Variants in SULF1 observed in about 807,000 individuals in gnomAD.
The protein encoded by SULF1 is extracellular sulfatase Sulf-1.
SULF1 carries 46 observed loss-of-function variants against 110.5 expected under a neutral mutation model. That is an observed-to-expected ratio of 0.42 (90% CI 0.33 to 0.53). The LOEUF (loss-of-function observed/expected upper bound fraction) is 0.53. SULF1 is among the 20% of genes least tolerant of loss of function. SULF1 has a pLI of 0.12. For missense variants in SULF1, 941 were observed against 1,094.2 expected (o/e 0.86, Z 1.98); for synonymous variants, 371 against 387.1 (o/e 0.96, Z 0.49).
At position 69,659,232 on chromosome 8, in the gene SULF1, G is replaced by A. The variant is rs371075932; in HGVS notation, c.*697G>A. On this transcript the variant is annotated 3_prime_UTR_variant, in exon 23 of 23. Transcript: ENST00000402687. Reference sequence around the variant, plus strand: ...ACCGAAGTAATTCCAGCATAGCGGGGAAGATGTTGACCAAGGTGGAGAAGA... The same window carrying A: ...ACCGAAGTAATTCCAGCATAGCGGGAAAGATGTTGACCAAGGTGGAGAAGA... The A allele has an allele frequency of 2.6e-5, 12 of 456,246 alleles. No homozygotes were observed. The allele number at this position is 456,246 out of a possible 1,614,324, so 28.3% of individuals were successfully genotyped here.
chr8:69,641,064 T>C (rs1811436426), intron 22 of SULF1: 1 of 422,370 alleles, frequency 2.4e-6, no homozygotes, highest in African/African-American at 2.0e-5. Context: ...GAGCATTTAC[T>C]CACTCCCATG....
At chr8:69,572,799 T>C (rs189555824) in intron 5 of SULF1, among the ~76,000 whole-genome samples, 2 of 152,294 alleles carry the variant, frequency 1.3e-5, no homozygotes, top group East Asian at 3.9e-4. Context: ...AGAATCTCTT[T>C]ACTGAGAACC....
At chr8:69,473,456 T>C (rs867396182) in intron 1 of SULF1, 3 of 152,220 alleles carry the variant, frequency 2.0e-5, no homozygotes, top group Non-Finnish European at 4.4e-5. Flanking sequence ...ACTAATCAAA[T>C]TCTAAAATAA....
intron 3 of SULF1, among the ~76,000 whole-genome samples, chr8:69,515,260 T>C (rs1811850736): frequency 6.6e-6 from 1 of 152,066 alleles, no homozygotes; most frequent in South Asian, 2.1e-4. Context: ...CTCCCATACC[T>C]CAACCCTTGT....
intron 2 of SULF1, among the ~76,000 whole-genome samples, chr8:69,497,314 C>A (rs945862805): frequency 5.3e-5 from 8 of 151,898 alleles, no homozygotes; most frequent in Non-Finnish European, 8.8e-5. Flanking sequence ...CCTGCCACCA[C>A]GCCTGGCTAA....
chr8:69,651,403 T>C (rs987193676), intron 22 of SULF1, among the ~76,000 whole-genome samples: 2 of 152,122 alleles, frequency 1.3e-5, no homozygotes, highest in Admixed American at 6.6e-5. Flanking sequence ...TCTAATTGAG[T>C]GACCTAATGC....
In SULF1 at chr8:69,631,195, G is replaced by A. The variant is rs536728061; in HGVS notation, c.2284+1516G>A. Among the ~76,000 whole-genome samples the A allele has an allele frequency of 5.9e-5, 9 of 152,346 alleles. No homozygotes were observed. In the South Asian group the frequency reaches 1.9e-3, roughly 32 times the overall value. On this transcript the variant is annotated intron_variant, in intron 19 of 22. Coordinates refer to ENST00000402687, the MANE Select transcript of SULF1 (RefSeq NM_001128205.2). ...GGGAGTCTCACCTTTGGTTTATCCA[G>A]GAGTGGAAGCTCCTTGAAAGCTGAA... is the stretch of plus-strand genomic sequence containing the variant.
At position 69,561,370 on chromosome 8, in the gene SULF1, A is replaced by G. The variant is rs556487570; in HGVS notation, c.-133-2169A>G. Among the ~76,000 whole-genome samples, 5 of 152,354 alleles carry G rather than the reference A, an allele frequency of 3.3e-5. No individual in the cohort carries two copies. In the East Asian group the frequency reaches 7.7e-4, roughly 24 times the overall value. ...CAGAAAGGAAGTTCATTTCATAGGA[A>G]AAAACCACTCTCTCTTTTCCATATT... On this transcript the variant is annotated intron_variant, in intron 3 of 22. Coordinates refer to ENST00000402687, the MANE Select transcript of SULF1 (RefSeq NM_001128205.2).
At chr8:69,590,762 T>C (rs879009723) in intron 8 of SULF1, among the ~76,000 whole-genome samples, 1 of 152,152 alleles carries the variant, frequency 6.6e-6, no homozygotes, top group Non-Finnish European at 1.5e-5. Context: ...GTCAACTCCA[T>C]GGGTGGATAT....
intron 1 of SULF1, among the ~76,000 whole-genome samples, chr8:69,495,423 T>G (rs999573120): frequency 6.6e-6 from 1 of 152,114 alleles, no homozygotes; most frequent in South Asian, 2.1e-4. Flanking sequence ...ATTTTTGTCT[T>G]TGAAATTTTG....
chr8:69,504,307 G>A (rs1486494764), intron 3 of SULF1, among the ~76,000 whole-genome samples: 1 of 151,988 alleles, frequency 6.6e-6, no homozygotes. Flanking sequence ...AGGCCGAGGT[G>A]GGTGAATCAG....
chr8:69,633,092 T>TA (rs2130637216), intron 19 of SULF1, among the ~76,000 whole-genome samples: 1 of 152,236 alleles, frequency 6.6e-6, no homozygotes, highest in South Asian at 2.1e-4. Flanking sequence ...GATAAACGTT[T>TA]AAAAAAGAGT....
In SULF1 at chr8:69,589,032, A is replaced by G; in HGVS notation, c.625A>G (p.Met209Val). ...TAATTACTTCAAAATGTCTAAGAGA[A>G]TGTATCCCCATAGGCCCGTTATGAT... is the stretch of plus-strand genomic sequence containing the variant. ...SINYFKMSKRMYPHRPVMMVI... is the reference protein window; with the variant it reads ...SINYFKMSKRVYPHRPVMMVI... The change falls in exon 8 of 23, where the codon ATG becomes GTG. Residue 209 changes from methionine (M) to valine (V), a missense_variant. By Grantham distance (21) the Met-to-Val change is conservative (BLOSUM62 1). Transcript: ENST00000402687. The G allele has an allele frequency of 1.2e-6, 2 of 1,614,218 alleles. No homozygotes were observed. The highest frequency in any genetic ancestry group is 1.7e-5 in the Admixed American group (1 of 60,022).
chr8:69,468,349 T>A (rs763424712), intron 1 of SULF1, among the ~76,000 whole-genome samples: 2 of 152,228 alleles, frequency 1.3e-5, no homozygotes, highest in Non-Finnish European at 2.9e-5. Flanking sequence ...GCCTGTAAAA[T>A]TATGTTTCAA....
chr8:69,509,926 A>G (rs1209233844), intron 3 of SULF1, among the ~76,000 whole-genome samples: 1 of 152,232 alleles, frequency 6.6e-6, no homozygotes, highest in East Asian at 1.9e-4. Flanking sequence ...TCTGGTTGTG[A>G]AAATATTAAG....
At chr8:69,519,282 T>G (rs1812137165) in intron 3 of SULF1, among the ~76,000 whole-genome samples, 1 of 152,202 alleles carries the variant, frequency 6.6e-6, no homozygotes, top group South Asian at 2.1e-4. Context: ...ATTCTCAGTA[T>G]CTAACATATG....
intron 6 of SULF1, among the ~76,000 whole-genome samples, chr8:69,585,213 A>T (rs1169346551): frequency 6.6e-6 from 1 of 152,202 alleles, no homozygotes; most frequent in African/African-American, 2.4e-5. Context: ...CTATACAGAC[A>T]TATATAAAAT....
intron 8 of SULF1, among the ~76,000 whole-genome samples, chr8:69,595,873 T>G (rs1253707074): frequency 6.6e-6 from 1 of 152,228 alleles, no homozygotes; most frequent in Non-Finnish European, 1.5e-5. Context: ...ATACAACACA[T>G]GCATCTCTTG....
chr8:69,585,825 A>G (rs899872686), intron 6 of SULF1, among the ~76,000 whole-genome samples: 1 of 152,250 alleles, frequency 6.6e-6, no homozygotes, highest in South Asian at 2.1e-4. Context: ...TATCCCATAA[A>G]AATGGAGTTT....
Sources: gnomAD v4.1 joint callset for allele counts (sites outside exome capture counted in the v4.1 genomes callset) on GRCh38, gnomAD v4.1.1 for gene constraint, MANE v1.5 for transcripts, NCBI Gene and HGNC (gene_info 2026-07-23, HGNC 2026-07-21) for gene names.